Variants in SIMC1 observed in about 807,000 individuals in gnomAD.
SIMC1 encodes the protein SUMO-interacting motif-containing protein 1.
Under a neutral mutation model 82.3 loss-of-function variants are expected in SIMC1, and 55 were observed. The observed-to-expected ratio is 0.67, with a 90% CI of 0.54 to 0.84. SIMC1 has a LOEUF of 0.84. SIMC1 is among the 40% of genes least tolerant of loss of function. The pLI is 0.00. For missense variants in SIMC1, 915 were observed against 1,107.2 expected (o/e 0.83, Z 2.46); for synonymous variants, 353 against 426.3 (o/e 0.83, Z 2.12).
intron 4 of SIMC1, among the ~76,000 whole-genome samples, chr5:176,309,500 C>CT: frequency 6.6e-6 from 1 of 152,072 alleles, no homozygotes; most frequent in Non-Finnish European, 1.5e-5. Flanking sequence ...AAAAGCATAT[C>CT]CGTAAAAGAT....
chr5:176,290,254 C>T lies in SIMC1; in HGVS notation c.730C>T (p.Pro244Ser). 1 of 1,613,772 alleles carries T rather than the reference C, an allele frequency of 6.2e-7. No individual in the cohort carries two copies. Among genetic ancestry groups the T allele is most frequent in the Non-Finnish European group, 8.5e-7 (1 of 1,179,808 alleles). The change falls in exon 2 of 10, where the codon CCA becomes TCA. Residue 244 changes from proline to serine, a missense_variant. Coordinates refer to ENST00000429602, the MANE Select transcript of SIMC1 (RefSeq NM_001308195.2). Reference protein sequence around the residue: ...PCPPRASSCPPRALSCPSQTM... With the variant: ...PCPPRASSCPSRALSCPSQTM... ...TCCACCACGAGCCTCCTCATGCCCA[C>T]CACGAGCCTTGTCATGCCCATCACA...
intron 1 of SIMC1, among the ~76,000 whole-genome samples, chr5:176,276,779 A>T (rs1003306110): frequency 2.2e-5 from 3 of 138,872 alleles, no homozygotes; most frequent in African/African-American, 8.0e-5. Context: ...ACATGAACTC[A>T]TCATTTTTTA....
chr5:176,308,726 T>C, intron 4 of SIMC1: 1 of 1,449,896 alleles, frequency 6.9e-7, no homozygotes, highest in South Asian at 1.1e-5. Flanking sequence ...TTGTACCTCA[T>C]GTCACTATCG....
chr5:176,294,365 C>T (rs1441947413), intron 2 of SIMC1, among the ~76,000 whole-genome samples: 1 of 152,138 alleles, frequency 6.6e-6, no homozygotes, highest in Non-Finnish European at 1.5e-5. Context: ...CTGCAGCCTC[C>T]ACCTTCCGGG....
chr5:176,333,602 G>C (rs1190536101), intron 7 of SIMC1, among the ~76,000 whole-genome samples: 1 of 151,982 alleles, frequency 6.6e-6, no homozygotes, highest in Non-Finnish European at 1.5e-5. Context: ...GCTAATTTTT[G>C]TATTTTTAGT....
chr5:176,340,234 A>G (rs1402758589), intron 9 of SIMC1, among the ~76,000 whole-genome samples: 1 of 152,206 alleles, frequency 6.6e-6, no homozygotes, highest in Non-Finnish European at 1.5e-5. Context: ...CTAGGATTCA[A>G]ACAGGTCTGT....
chr5:176,291,265 G>A (rs1161048293), intron 2 of SIMC1, among the ~76,000 whole-genome samples: 2 of 144,646 alleles, frequency 1.4e-5, no homozygotes, highest in Non-Finnish European at 3.0e-5. Context: ...CCAGGTTCAA[G>A]AGTTTCTTCT....
chr5:176,302,025 AATC>A (rs1764063654), intron 4 of SIMC1, among the ~76,000 whole-genome samples: 1 of 152,210 alleles, frequency 6.6e-6, no homozygotes, highest in Non-Finnish European at 1.5e-5. Context: ...ATATACTTCA[AATC>A]ATCTGTAGAT....
chr5:176,334,574 A>T (rs1175934019), intron 7 of SIMC1, among the ~76,000 whole-genome samples: 2 of 152,096 alleles, frequency 1.3e-5, no homozygotes, highest in Non-Finnish European at 2.9e-5. Context: ...CTTCCCCTAC[A>T]CATGTGCCAA....
intron 5 of SIMC1, among the ~76,000 whole-genome samples, chr5:176,317,799 C>T (rs1421115187): frequency 6.6e-6 from 1 of 152,106 alleles, no homozygotes; most frequent in Non-Finnish European, 1.5e-5. Flanking sequence ...AATTCAACCC[C>T]AAATTCTCTC....
chr5:176,310,828 C>T (rs992077479), intron 4 of SIMC1, among the ~76,000 whole-genome samples: 21 of 151,866 alleles, frequency 1.4e-4, no homozygotes, highest in African/African-American at 4.8e-4. Context: ...CAAATGAATG[C>T]ATGTAAAATC....
At chr5:176,341,644 G>C (rs1468483090) in intron 9 of SIMC1, among the ~76,000 whole-genome samples, 1 of 152,204 alleles carries the variant, frequency 6.6e-6, no homozygotes, top group Non-Finnish European at 1.5e-5. Flanking sequence ...TTAAGTGACT[G>C]AGTCTGAAGG....
chr5:176,263,555 G>T lies in SIMC1; in HGVS notation c.129+24918G>T, dbSNP rs1762087185. 3.6e-6 allele frequency: 5 copies of T among 1,402,638 alleles called. No individual in the cohort carries two copies. The Admixed American group carries it at 1.4e-4, about 40-fold the overall frequency. 86.9% of individuals were successfully genotyped at this position (1,402,638 alleles called of 1,614,324 possible). ...AGAGAAAAAAGAACATTCATATTTT[G>T]CAGGAACTATGAGTGAGAACTGGCT... On this transcript the variant is annotated intron_variant, in intron 1 of 9. Coordinates refer to ENST00000429602, the MANE Select transcript of SIMC1 (RefSeq NM_001308195.2).
At chr5:176,293,650 A>AG (rs1298542602) in intron 2 of SIMC1, among the ~76,000 whole-genome samples, 1 of 151,270 alleles carries the variant, frequency 6.6e-6, no homozygotes, top group Non-Finnish European at 1.5e-5. Context: ...TGGGAGGCTG[A>AG]GGTGGGAGGA....
intron 1 of SIMC1, among the ~76,000 whole-genome samples, chr5:176,262,258 A>G (rs1232839468): frequency 2.0e-5 from 3 of 146,858 alleles, no homozygotes; most frequent in Non-Finnish European, 4.5e-5. Flanking sequence ...CCAAAAAAGC[A>G]TTTAATACCC....
chr5:176,306,133 C>T (rs1248360576), intron 4 of SIMC1, among the ~76,000 whole-genome samples: 2 of 76,108 alleles, frequency 2.6e-5, no homozygotes, highest in East Asian at 4.2e-4. Context: ...CCCCTCTGCC[C>T]GGCCAGCCGC....
intron 9 of SIMC1, among the ~76,000 whole-genome samples, chr5:176,344,494 C>G (rs1766320943): frequency 2.4e-5 from 3 of 125,750 alleles, no homozygotes; most frequent in Non-Finnish European, 5.3e-5. Flanking sequence ...CACACACACA[C>G]ACACACACAC....
chr5:176,321,991 G>T lies in SIMC1; in HGVS notation c.1890-282G>T, dbSNP rs1765183452. Among the ~76,000 whole-genome samples, 3 of 141,742 alleles carry T rather than the reference G, an allele frequency of 2.1e-5. No individual in the cohort carries two copies. In the South Asian group the frequency reaches 6.6e-4, roughly 31 times the overall value. 93.0% of individuals were successfully genotyped at this position (141,742 alleles called of 152,430 possible). A position where few individuals can be genotyped will look rare whatever the true frequency, so the allele number is the denominator to read the frequency against. On this transcript the variant is annotated intron_variant, in intron 5 of 9. Coordinates refer to ENST00000429602, the MANE Select transcript of SIMC1 (RefSeq NM_001308195.2). ...TCCTCCCACCTCAGCCTCCCAAAGTGCTGGGATTACAAGCATCAGCCACCA... is the reference window on the plus strand; with the variant it reads ...TCCTCCCACCTCAGCCTCCCAAAGTTCTGGGATTACAAGCATCAGCCACCA...
intron 5 of SIMC1, among the ~76,000 whole-genome samples, chr5:176,317,019 A>G (rs984462815): frequency 6.6e-6 from 1 of 152,150 alleles, no homozygotes; most frequent in African/African-American, 2.4e-5. Flanking sequence ...GGCATTTTTG[A>G]GGGGTGTTTG....
Sources: gnomAD v4.1 joint callset for allele counts (sites outside exome capture counted in the v4.1 genomes callset) on GRCh38, gnomAD v4.1.1 for gene constraint, MANE v1.5 for transcripts, NCBI Gene and HGNC (gene_info 2026-07-23, HGNC 2026-07-21) for gene names.